GOLGB1: variants seen among roughly 807,000 people sequenced by gnomAD.
GOLGB1 encodes the protein golgin subfamily B member 1.
Under a neutral mutation model 336.9 loss-of-function variants are expected in GOLGB1, and 174 were observed. The ratio of observed to expected loss-of-function variants is 0.52; its 90% CI spans 0.46 to 0.59. The LOEUF (loss-of-function observed/expected upper bound fraction) is 0.59, where lower values mean the gene tolerates loss of function less well. GOLGB1 is among the 20% of genes least tolerant of loss of function. GOLGB1 has a pLI of 0.00. For missense variants in GOLGB1, 3,331 were observed against 3,645.3 expected, an observed-to-expected ratio of 0.91 and a Z score of 2.22; for synonymous variants, 1,208 against 1,289.2, an observed-to-expected ratio of 0.94 and a Z score of 1.35.
At chr3:121,730,428 C>A (rs976175102) in intron 2 of GOLGB1, among the ~76,000 whole-genome samples, 1 of 151,910 alleles carries the variant, frequency 6.6e-6, no homozygotes, top group Non-Finnish European at 1.5e-5. Context: ...AAATATAATA[C>A]ATACTGCCAA....
At chr3:121,721,651 A>C (rs1335763006) in intron 6 of GOLGB1, among the ~76,000 whole-genome samples, 1 of 152,120 alleles carries the variant, frequency 6.6e-6, no homozygotes, top group Non-Finnish European at 1.5e-5. Context: ...AATATGTGGG[A>C]GTGCGTGGCC....
At chr3:121,688,811 T>G (rs1268704372) in intron 14 of GOLGB1, among the ~76,000 whole-genome samples, 17 of 131,026 alleles carry the variant, frequency 1.3e-4, no homozygotes, top group South Asian at 5.1e-4. Context: ...CCGTCTGGGA[T>G]GTGAGGAGCG....
intron 17 of GOLGB1, among the ~76,000 whole-genome samples, chr3:121,676,202 G>A (rs955571825): frequency 3.9e-5 from 6 of 152,208 alleles, no homozygotes; most frequent in Non-Finnish European, 7.3e-5. Flanking sequence ...CCACATGCAT[G>A]ATCACGTTTA....
chr3:121,717,046 C>G lies in GOLGB1; in HGVS notation c.979G>C (p.Glu327Gln). The G allele has an allele frequency of 6.2e-7, 1 of 1,613,482 alleles. No individual in the cohort carries two copies. Among genetic ancestry groups the G allele is most frequent in the Non-Finnish European group, 8.5e-7 (1 of 1,179,424 alleles). ...TEREESKILL[E>Q]KMELEVAERK... ...TCTGCCACTTCAAGTTCCATCTTTT[C>G]CAGTAGAATCTTGGACTCCTCTCTT... Residue 327 changes from glutamate (E) to glutamine (Q), a missense_variant, in exon 9 of 22, where the codon GAA (glutamate) becomes CAA (glutamine). By Grantham distance (29) the Glu-to-Gln change is conservative. Coordinates refer to ENST00000614479, the MANE Select transcript of GOLGB1 (RefSeq NM_001366282.2).
At chr3:121,739,010 C>T (rs1946672987) in intron 1 of GOLGB1, among the ~76,000 whole-genome samples, 1 of 152,140 alleles carries the variant, frequency 6.6e-6, no homozygotes, top group African/African-American at 2.4e-5. Context: ...TCCTGTAATC[C>T]TAGCACTTTG....
At position 121,695,322 on chromosome 3, in the gene GOLGB1, T is replaced by G. The variant is rs1942843744; in HGVS notation, c.5201A>C (p.Glu1734Ala). The G allele has an allele frequency of 6.2e-7, 1 of 1,614,118 alleles. No individual in the cohort carries two copies. Among genetic ancestry groups the G allele is most frequent in the African/African-American group, 1.3e-5 (1 of 75,054 alleles). The part of the protein sequence containing the change: ...SSNASMKEEL[E>A]RVKMEYETLS... ...GGTTTCATACTCCATTTTGACCCTT[T>G]CAAGTTCTTCCTTCATGCTGGCATT... Residue 1734 changes from glutamate (E) to alanine (A), a missense_variant, in exon 13 of 22, where the codon GAA (glutamate) becomes GCA (alanine). By Grantham distance (107) the Glu-to-Ala change is moderately radical. Coordinates refer to ENST00000614479, the MANE Select transcript of GOLGB1 (RefSeq NM_001366282.2).
intron 8 of GOLGB1, 131 bp from the exon 9 acceptor site, chr3:121,717,270 CAAG>C (rs1944858917): frequency 4.3e-6 from 3 of 705,642 alleles, no homozygotes. Flanking sequence ...AAGCCCTTCT[CAAG>C]AAGGAGAGTT....
At chr3:121,726,201 G>C (rs547952636) in intron 5 of GOLGB1, among the ~76,000 whole-genome samples, 31 of 151,688 alleles carry the variant, frequency 2.0e-4, no homozygotes, top group Middle Eastern at 3.4e-3. Flanking sequence ...GGGAGGCCCA[G>C]GCAGGTGGAT....
chr3:121,691,879 T>G lies in GOLGB1; in HGVS notation c.7485A>C (p.Ile2495=). The G allele has an allele frequency of 6.2e-7, 1 of 1,613,792 alleles. No homozygotes were observed. Among genetic ancestry groups the G allele is most frequent in the Non-Finnish European group, 8.5e-7 (1 of 1,179,718 alleles). Residue 2495 remains isoleucine, a synonymous_variant, in exon 14 of 22, where the codon ATA becomes ATC. Transcript: ENST00000614479. ...YQQLEERHLS[I]ILEKDQLIQE... is the part of the protein sequence containing the mutation. ...GGATGAGTTGGTCTTTTTCCAAGATTATAGAGAGATGTCGCTCTTCCAGCT... is the reference window on the plus strand; with the variant it reads ...GGATGAGTTGGTCTTTTTCCAAGATGATAGAGAGATGTCGCTCTTCCAGCT...
chr3:121,748,203 G>A (rs1008540442), intron 1 of GOLGB1, among the ~76,000 whole-genome samples: 2 of 152,162 alleles, frequency 1.3e-5, no homozygotes, highest in Admixed American at 6.5e-5. Flanking sequence ...ATCTTTACGT[G>A]ATTGTCAAAT....
chr3:121,730,266 T>C (rs1945987442), intron 2 of GOLGB1: 2 of 336,152 alleles, frequency 5.9e-6, no homozygotes, highest in Non-Finnish European at 1.1e-5. Flanking sequence ...AAGAGAAAAA[T>C]AAAGGAAAGC....
chr3:121,669,493 C>T, intron 17 of GOLGB1, 138 bp from the exon 18 acceptor site: 1 of 578,964 alleles, frequency 1.7e-6, no homozygotes. Context: ...CTTTGTGTGC[C>T]TTCAAAGTTG....
At chr3:121,690,547 A>G (rs1195123549) in intron 14 of GOLGB1, 123 bp downstream of exon 14, 1 of 503,120 alleles carries the variant, frequency 2.0e-6, no homozygotes, top group Non-Finnish European at 3.3e-6. Context: ...GGGATACATA[A>G]TACTTTCCCT....
chr3:121,718,244 T>A, intron 8 of GOLGB1, 144 bp downstream of exon 8: 2 of 610,436 alleles, frequency 3.3e-6, no homozygotes, highest in South Asian at 4.0e-5. Flanking sequence ...CCCCACCACT[T>A]AAGTACGAGG....
chr3:121,676,734 A>G (rs1049054780), intron 17 of GOLGB1, among the ~76,000 whole-genome samples, 159 bp downstream of exon 17: 1 of 152,234 alleles, frequency 6.6e-6, no homozygotes, highest in African/African-American at 2.4e-5. Flanking sequence ...CCCTGTGTCC[A>G]GTGCTTTGGA....
intron 13 of GOLGB1, 92 bp from the exon 14 acceptor site, chr3:121,692,673 T>C: frequency 1.5e-6 from 1 of 670,786 alleles, no homozygotes; most frequent in South Asian, 2.1e-5. Context: ...TCAATAGATT[T>C]ACAAATGAAT....
At position 121,749,325 on chromosome 3, in the gene GOLGB1, G is replaced by C. The variant is rs149031700; in HGVS notation, c.-3+307C>G. Among the ~76,000 whole-genome samples, 34 of 152,316 alleles carry C rather than the reference G, an allele frequency of 2.2e-4. No individual in the cohort carries two copies. In the East Asian group the frequency reaches 6.2e-3, roughly 28 times the overall value. ...GGCCGTGCGGACAGGACTGACCTAG[G>C]CGCTTTTCCCCGTCGCTCCCAGAGG... On this transcript the variant is annotated intron_variant, in intron 1 of 21. Coordinates refer to ENST00000614479, the MANE Select transcript of GOLGB1 (RefSeq NM_001366282.2).
At chr3:121,681,904 T>C (rs1320512500) in intron 14 of GOLGB1, 39 bp from the exon 15 acceptor site, 2 of 1,367,082 alleles carry the variant, frequency 1.5e-6, no homozygotes, top group Non-Finnish European at 2.1e-6. Flanking sequence ...ATTTGTCACA[T>C]CTCATTCATC....
Position 121,697,065 on chromosome 3 carries a change from C to A in GOLGB1, c.3458G>T (p.Ser1153Ile). The part of the protein sequence containing the change: ...VALVKETVVI[S>I]PPCTGSSEHW... ...TTCACTACTACCTGTACAAGGTGGA[C>A]TTATCACCACTGTTTCCTTTACAAG... Residue 1153 changes from serine (S) to isoleucine (I), a missense_variant, in exon 13 of 22, where the codon AGT becomes ATT. Physicochemically the swap from Ser to Ile is moderately radical, Grantham distance 142. Coordinates refer to ENST00000614479, the MANE Select transcript of GOLGB1 (RefSeq NM_001366282.2). 1 of 1,613,812 alleles carries A rather than the reference C, an allele frequency of 6.2e-7. No individual in the cohort carries two copies. Among genetic ancestry groups the A allele is most frequent in the South Asian group, 1.1e-5 (1 of 91,084 alleles).
Sources: allele counts gnomAD v4.1 joint callset (sites outside exome capture counted in the v4.1 genomes callset), GRCh38; gene constraint gnomAD v4.1.1; transcripts MANE v1.5; gene names NCBI Gene and HGNC (gene_info 2026-07-23, HGNC 2026-07-21).